The following HMG20A variants were observed in gnomAD, a reference collection of about 807,000 sequenced individuals.
The protein encoded by HMG20A is high mobility group 20A.
HMG20A carries 17 observed loss-of-function variants against 43.9 expected under a neutral mutation model. That is an observed-to-expected ratio of 0.39 (90% confidence interval 0.27 to 0.58). The LOEUF is 0.58. Ranked by LOEUF, HMG20A falls within the 20% of genes least tolerant of loss-of-function variation. The pLI is 0.59. For missense variants in HMG20A, 341 were observed against 438.2 expected (o/e 0.78, Z 1.98); for synonymous variants, 132 against 147.5 (o/e 0.89, Z 0.76).
intron 1 of HMG20A, among the ~76,000 whole-genome samples, chr15:77,453,239 T>A (rs2072620848): frequency 6.6e-6 from 1 of 151,888 alleles, no homozygotes; most frequent in Non-Finnish European, 1.5e-5. Flanking sequence ...TAAAAAATAA[T>A]AATAATAATA....
At chr15:77,481,990 G>T (rs2072909093) in intron 9 of HMG20A, 1 of 152,188 alleles carries the variant, frequency 6.6e-6, no homozygotes, top group African/African-American at 2.4e-5. Flanking sequence ...TTTCAGAGGA[G>T]CATATTAGGG....
intron 1 of HMG20A, among the ~76,000 whole-genome samples, chr15:77,449,640 G>C (rs1469920389): frequency 6.6e-6 from 1 of 152,020 alleles, no homozygotes; most frequent in East Asian, 1.9e-4. Flanking sequence ...ATTTTAAAAT[G>C]AATGAATGTT....
At chr15:77,446,927 A>G (rs549574700) in intron 1 of HMG20A, among the ~76,000 whole-genome samples, 1 of 152,286 alleles carries the variant, frequency 6.6e-6, no homozygotes, top group Admixed American at 6.5e-5. Flanking sequence ...CCAAATAGAA[A>G]ATTGACTGTC....
At chr15:77,507,602 C>G in the HMG20A span, among the ~76,000 whole-genome samples, 1 of 152,306 alleles carries the variant, frequency 6.6e-6, no homozygotes, top group South Asian at 2.1e-4. Flanking sequence ...CCAAGCCACG[C>G]GAAGGGCTGC....
At chr15:77,421,769 A>G (rs2073353062) in intron 1 of HMG20A, among the ~76,000 whole-genome samples, 1 of 152,258 alleles carries the variant, frequency 6.6e-6, no homozygotes, top group African/African-American at 2.4e-5. Flanking sequence ...ATTTTGGGCT[A>G]CAGGTTTTGC....
intron 1 of HMG20A, among the ~76,000 whole-genome samples, chr15:77,447,002 C>T (rs942606332): frequency 4.6e-5 from 7 of 152,142 alleles, no homozygotes; most frequent in African/African-American, 1.7e-4. Context: ...CAGCATTCCC[C>T]ATCCCAGCTT....
chr15:77,436,998 G>A (rs761134728), intron 1 of HMG20A, among the ~76,000 whole-genome samples: 5 of 152,032 alleles, frequency 3.3e-5, no homozygotes, highest in Admixed American at 6.6e-5. Context: ...GCCACAAGCC[G>A]CCTTTCACTT....
chr15:77,496,963 C>T, the HMG20A span, among the ~76,000 whole-genome samples: 4 of 152,316 alleles, frequency 2.6e-5, no homozygotes, highest in Admixed American at 6.5e-5. Flanking sequence ...GGGAGGACGG[C>T]CCGGGACCCA....
At chr15:77,433,363 T>A (rs1486880525) in intron 1 of HMG20A, among the ~76,000 whole-genome samples, 1 of 145,798 alleles carries the variant, frequency 6.9e-6, no homozygotes, top group Non-Finnish European at 1.5e-5. Context: ...AAAAAAAAAT[T>A]TCTTCAAAGA....
the HMG20A span, among the ~76,000 whole-genome samples, chr15:77,513,277 G>A: frequency 6.6e-6 from 1 of 152,104 alleles, no homozygotes; most frequent in Middle Eastern, 3.2e-3. Context: ...CTTCTCAAAT[G>A]GTTCAGAAAA....
Position 77,479,187 on chromosome 15 carries a change from G to A in HMG20A, c.916G>A (p.Glu306Lys). The change falls in exon 9 of 10, where the codon GAG (glutamate) becomes AAG (lysine). Residue 306 changes from glutamate to lysine, a missense_variant. Physicochemically the swap from Glu to Lys is moderately conservative, Grantham distance 56. Around this residue, in one of 3 missense-constraint regions of HMG20A, gnomAD observed 118 missense variants for 154.5 expected, o/e 0.76. Coordinates refer to ENST00000336216, the MANE Select transcript of HMG20A (RefSeq NM_001304504.2). ...FASMPLPGSG[E>K]TPTVDTIDSY... Reference sequence around the variant, plus strand: ...TTCTTATCTCACTTCAGGAAGTGGAGAGACACCTACAGTGGACACCATTGA... The same window carrying A: ...TTCTTATCTCACTTCAGGAAGTGGAAAGACACCTACAGTGGACACCATTGA... 1.9e-6 allele frequency: 3 copies of A among 1,613,748 alleles called. No homozygotes were observed. The highest frequency in any genetic ancestry group is 1.7e-6 in the Non-Finnish European group (2 of 1,179,648).
At chr15:77,501,718 G>C in the HMG20A span, among the ~76,000 whole-genome samples, 1 of 152,142 alleles carries the variant, frequency 6.6e-6, no homozygotes, top group Non-Finnish European at 1.5e-5. Context: ...TGACTCCCAG[G>C]TGTACCCCCA....
chr15:77,469,135 A>G (rs113024855), intron 4 of HMG20A, among the ~76,000 whole-genome samples: 65 of 151,900 alleles, frequency 4.3e-4, no homozygotes, highest in African/African-American at 1.5e-3. Flanking sequence ...ATGCAGGCAC[A>G]CAATGTCCTT....
At chr15:77,517,492 T>C in the HMG20A span, among the ~76,000 whole-genome samples, 1 of 151,362 alleles carries the variant, frequency 6.6e-6, no homozygotes, top group Non-Finnish European at 1.5e-5. Flanking sequence ...TCTATGGCAG[T>C]ATTTTATTTA....
chr15:77,496,986 G>A, the HMG20A span, among the ~76,000 whole-genome samples: 1 of 152,346 alleles, frequency 6.6e-6, no homozygotes, highest in East Asian at 1.9e-4. Flanking sequence ...GCTGGCAGGA[G>A]AGCTGGCGCC....
chr15:77,427,762 C>G (rs893655758), intron 1 of HMG20A, among the ~76,000 whole-genome samples: 2 of 152,154 alleles, frequency 1.3e-5, no homozygotes, highest in African/African-American at 4.8e-5. Flanking sequence ...GAATAATATT[C>G]AGATTCAGAC....
At chr15:77,469,821 TC>T (rs1272245292) in intron 4 of HMG20A, among the ~76,000 whole-genome samples, 1 of 152,014 alleles carries the variant, frequency 6.6e-6, no homozygotes, top group Non-Finnish European at 1.5e-5. Flanking sequence ...GCGTGCACCA[TC>T]ACACCCAGCT....
chr15:77,514,210 A>C, the HMG20A span, among the ~76,000 whole-genome samples: 1 of 152,246 alleles, frequency 6.6e-6, no homozygotes, highest in Non-Finnish European at 1.5e-5. Context: ...ATACAATGGA[A>C]GATTCCACAG....
At chr15:77,444,290 A>G (rs1274638214) in intron 1 of HMG20A, among the ~76,000 whole-genome samples, 1 of 152,210 alleles carries the variant, frequency 6.6e-6, no homozygotes, top group Non-Finnish European at 1.5e-5. Context: ...TAACACAGGC[A>G]AATGAGTGCA....
Sources: gnomAD v4.1 joint callset for allele counts (sites outside exome capture counted in the v4.1 genomes callset) on GRCh38, gnomAD v4.1.1 for gene constraint, gnomAD v4.1.1 regional missense constraint, MANE v1.5 for transcripts, NCBI Gene and HGNC (gene_info 2026-07-23, HGNC 2026-07-21) for gene names.